PHF24: variants seen among roughly 807,000 people sequenced by gnomAD.
PHF24 encodes Galpha inhibitory interacting protein.
PHF24 carries 25 observed loss-of-function variants against 42.6 expected under a neutral mutation model. The ratio of observed to expected loss-of-function variants is 0.59; its 90% CI spans 0.43 to 0.82. PHF24 has a LOEUF of 0.82. Ranked by LOEUF, PHF24 falls within the 40% of genes least tolerant of loss-of-function variation. The pLI, the probability that PHF24 is intolerant of heterozygous loss-of-function variation, is 0.00. For missense variants in PHF24, 470 were observed against 538.1 expected (o/e 0.87, Z 1.25); for synonymous variants, 185 against 204.8 (o/e 0.90, Z 0.83).
At chr9:34,730,720 G>A in the PHF24 span, among the ~76,000 whole-genome samples, 2 of 152,190 alleles carry the variant, frequency 1.3e-5, no homozygotes, top group African/African-American at 4.8e-5. Flanking sequence ...AAATCATAGT[G>A]AGGATCATGG....
At chr9:34,893,117 CG>C in the PHF24 span, 1 of 839,970 alleles carries the variant, frequency 1.2e-6, no homozygotes, top group Non-Finnish European at 1.7e-6. Context: ...ACACAGGATT[CG>C]CCGCACACTT....
chr9:34,886,160 C>A, the PHF24 span, among the ~76,000 whole-genome samples: 1 of 151,362 alleles, frequency 6.6e-6, no homozygotes, highest in East Asian at 2.0e-4. Flanking sequence ...CCACAGCGTT[C>A]TTCCAGAAAT....
chr9:34,845,706 C>T, the PHF24 span, among the ~76,000 whole-genome samples: 1 of 150,808 alleles, frequency 6.6e-6, no homozygotes, highest in African/African-American at 2.4e-5. Flanking sequence ...CCATTAACTC[C>T]TCATTTAGCA....
At chr9:34,945,873 A>G in the PHF24 span, among the ~76,000 whole-genome samples, 197 of 152,354 alleles carry the variant, frequency 1.3e-3, 2 homozygotes, top group Admixed American at 1.8e-3. Flanking sequence ...GAAAACTGCC[A>G]TGCTGTTTTA....
At chr9:34,918,408 TA>T in the PHF24 span, 34,731 of 386,204 alleles carry the variant, frequency 0.09, 3 homozygotes, top group Middle Eastern at 0.11. Flanking sequence ...CCAAGGTCTT[TA>T]AAAAAAAAAA....
At chr9:34,927,442 G>C in the PHF24 span, among the ~76,000 whole-genome samples, 1 of 152,094 alleles carries the variant, frequency 6.6e-6, no homozygotes, top group Non-Finnish European at 1.5e-5. Context: ...GGAGTGGGAT[G>C]GGGGGAATGG....
chr9:34,858,488 G>C, the PHF24 span, among the ~76,000 whole-genome samples: 1 of 152,166 alleles, frequency 6.6e-6, no homozygotes, highest in African/African-American at 2.4e-5. Context: ...GTCTGCTAGA[G>C]CAGACCTGGA....
chr9:34,937,879 G>T, the PHF24 span, among the ~76,000 whole-genome samples: 9 of 152,088 alleles, frequency 5.9e-5, no homozygotes, highest in Admixed American at 1.3e-4. Context: ...TTTCCCTTTT[G>T]TTATCCTTTA....
At chr9:34,812,743 T>C in the PHF24 span, among the ~76,000 whole-genome samples, 1 of 152,234 alleles carries the variant, frequency 6.6e-6, no homozygotes, top group African/African-American at 2.4e-5. Flanking sequence ...AACCCTTTGC[T>C]TTCCCCAGTC....
the PHF24 span, among the ~76,000 whole-genome samples, chr9:34,936,783 C>T: frequency 2.7e-5 from 4 of 149,954 alleles, no homozygotes; most frequent in Middle Eastern, 3.7e-3. Context: ...AGGTGAGGAC[C>T]GTCTCTGCCC....
chr9:34,892,039 T>C, the PHF24 span, among the ~76,000 whole-genome samples: 1 of 152,108 alleles, frequency 6.6e-6, no homozygotes, highest in Non-Finnish European at 1.5e-5. Flanking sequence ...CTCCCCTGTT[T>C]TGGAGATTTC....
At chr9:34,832,112 G>A in the PHF24 span, among the ~76,000 whole-genome samples, 1 of 152,098 alleles carries the variant, frequency 6.6e-6, no homozygotes, top group Non-Finnish European at 1.5e-5. Flanking sequence ...GATGGGCAAC[G>A]TATTGCTGAA....
the PHF24 span, among the ~76,000 whole-genome samples, chr9:34,763,192 G>C: frequency 7.2e-5 from 11 of 151,894 alleles, no homozygotes; most frequent in African/African-American, 2.7e-4. Context: ...CTCTTTTTTG[G>C]TTCCATATGA....
the PHF24 span, among the ~76,000 whole-genome samples, chr9:34,836,676 G>A: frequency 1.3e-5 from 2 of 152,264 alleles, no homozygotes; most frequent in East Asian, 1.9e-4. Flanking sequence ...TTATCAGCAG[G>A]GTTCATCTTG....
the PHF24 span, among the ~76,000 whole-genome samples, chr9:34,936,526 G>A: frequency 1.3e-5 from 2 of 150,956 alleles, no homozygotes; most frequent in Non-Finnish European, 3.0e-5. Context: ...CTGCCTGGCC[G>A]CCCATCGTCT....
chr9:34,909,431 C>T, the PHF24 span, among the ~76,000 whole-genome samples: 3 of 152,030 alleles, frequency 2.0e-5, no homozygotes, highest in African/African-American at 4.8e-5. Context: ...TGCCTCATCC[C>T]AAACTGAGCC....
chr9:34,863,686 CCCAGA>C, the PHF24 span, among the ~76,000 whole-genome samples: 1 of 152,184 alleles, frequency 6.6e-6, no homozygotes, highest in East Asian at 1.9e-4. Context: ...TACCAACAAG[CCCAGA>C]CTGCAGAGAC....
At chr9:34,781,848 T>TG in the PHF24 span, among the ~76,000 whole-genome samples, 2 of 152,288 alleles carry the variant, frequency 1.3e-5, no homozygotes, top group South Asian at 4.1e-4. Flanking sequence ...ATCAATAGGT[T>TG]GGTAAGTACA....
At chr9:34,922,609 G>T in the PHF24 span, 2 of 980,168 alleles carry the variant, frequency 2.0e-6, no homozygotes, top group East Asian at 2.4e-5. Context: ...TGGGGATCAA[G>T]AACTTTTCCA....
Sources: gnomAD v4.1 joint callset for allele counts (sites outside exome capture counted in the v4.1 genomes callset) on GRCh38, gnomAD v4.1.1 for gene constraint, MANE v1.5 for transcripts, NCBI Gene and HGNC (gene_info 2026-07-23, HGNC 2026-07-21) for gene names.